The following KDM1B variants were observed in gnomAD, a reference collection of about 807,000 sequenced individuals.
KDM1B encodes lysine demethylase 1B, also known as lysine-specific histone demethylase 2.
KDM1B carries 63 observed loss-of-function variants against 107.4 expected under a neutral mutation model. The observed-to-expected ratio is 0.59, with a 90% CI of 0.48 to 0.72. KDM1B has a LOEUF of 0.72. Among genes scored for constraint, KDM1B ranks in the 30% least tolerant of loss-of-function variants. KDM1B has a pLI of 0.00. For missense variants in KDM1B, 749 were observed against 1,020.8 expected (o/e 0.73, Z 3.63); for synonymous variants, 363 against 363.9 (o/e 1.00, Z 0.03).
rs1399562324 is a variant in KDM1B, at chr6:18,213,846, TACTC to T, written c.2109+68_2109+71del. 1.3e-6 allele frequency: 2 copies of T among 1,559,132 alleles called. No homozygotes were observed. Among genetic ancestry groups the T allele is most frequent in the East Asian group, 4.5e-5 (2 of 44,546 alleles). ...AAAGTTTAGAATTTGATGTGATAAT[TACTC>T]ACCTATCAAGCTCAGGAACTAACGA... is the stretch of plus-strand genomic sequence containing the variant. On this transcript the variant is annotated intron_variant, in intron 19 of 21. Coordinates refer to ENST00000650836, the MANE Select transcript of KDM1B (RefSeq NM_001364614.2). This position sits in a 1 kb window ranked among gnomAD's most constrained non-coding sequence, Gnocchi z 5.9.
chr6:18,197,708 T>C lies in KDM1B; in HGVS notation c.1221+47T>C. On this transcript the variant is annotated intron_variant, in intron 12 of 21. Transcript: ENST00000650836. The surrounding 1 kb of genome is among the most constrained non-coding windows in gnomAD (Gnocchi z 4.5). Reference sequence around the variant, plus strand: ...GTTAGAACAGATGGTTGACTGCTCCTTTTGGTCCAAATTTCTAAGATTTAG... The same window carrying C: ...GTTAGAACAGATGGTTGACTGCTCCCTTTGGTCCAAATTTCTAAGATTTAG... The C allele has an allele frequency of 9.5e-6, 13 of 1,362,428 alleles. No individual in the cohort carries two copies. Among genetic ancestry groups the C allele is most frequent in the Non-Finnish European group, 1.3e-5 (13 of 969,702 alleles). The allele number at this position is 1,362,428 out of a possible 1,614,324, so 84.4% of individuals were successfully genotyped here.
At chr6:18,169,996 A>G (rs1375628460) in intron 6 of KDM1B, among the ~76,000 whole-genome samples, 1 of 26,188 alleles carries the variant, frequency 3.8e-5, no homozygotes, top group East Asian at 1.2e-3. Context: ...TGCAACCTCC[A>G]CCTCCCAGTT....
intron 7 of KDM1B, among the ~76,000 whole-genome samples, chr6:18,185,039 CT>C (rs924290787): frequency 6.6e-6 from 1 of 151,764 alleles, no homozygotes. Context: ...CAGTTTCTAG[CT>C]TTTTTTGAAT....
intron 6 of KDM1B, among the ~76,000 whole-genome samples, chr6:18,168,199 A>G (rs149095622): frequency 1.6e-4 from 25 of 152,342 alleles, no homozygotes; most frequent in Non-Finnish European, 1.3e-4. Flanking sequence ...TATATTCACA[A>G]TGTTATGCAA....
chr6:18,167,611 C>G (rs1009582846), intron 6 of KDM1B, among the ~76,000 whole-genome samples: 1 of 151,604 alleles, frequency 6.6e-6, no homozygotes, highest in Non-Finnish European at 1.5e-5. Flanking sequence ...ATAGCTGGGA[C>G]TCTCCGCACA....
chr6:18,165,088 G>A lies in KDM1B; in HGVS notation c.306-1179G>A, dbSNP rs149912503. 5.0e-3 allele frequency among the ~76,000 whole-genome samples: 740 copies of A among 148,418 alleles called. 4 individuals are homozygous for A. Among genetic ancestry groups the A allele is most frequent in the South Asian group, 0.014 (64 of 4,688 alleles). The stretch of plus-strand genomic sequence containing the variant: ...ATATCTTGCTAGCTGTTTTCCATAT[G>A]GTGCATTTTATTCTTTTTCCCCTTC... On this transcript the variant is annotated intron_variant, in intron 5 of 21. Transcript: ENST00000650836.
At chr6:18,202,384 A>T (rs1188304263) in intron 14 of KDM1B, among the ~76,000 whole-genome samples, 1 of 151,652 alleles carries the variant, frequency 6.6e-6, no homozygotes, top group Non-Finnish European at 1.5e-5. Context: ...TGGGCAATGA[A>T]GCAAGACCCT....
chr6:18,222,387 A>C lies in KDM1B; in HGVS notation c.*395A>C. On this transcript the variant is annotated 3_prime_UTR_variant, in exon 22 of 22. Coordinates refer to ENST00000650836, the MANE Select transcript of KDM1B (RefSeq NM_001364614.2). ...ATCAAGCAGGAATCATTTAAAAACC[A>C]GATAAAGCCATGTTTTTCTTCTGTG... 1 of 314,892 alleles carries C rather than the reference A, an allele frequency of 3.2e-6. No individual in the cohort carries two copies. Among genetic ancestry groups the C allele is most frequent in the Non-Finnish European group, 6.2e-6 (1 of 161,694 alleles). 19.5% of individuals were successfully genotyped at this position (314,892 alleles called of 1,614,324 possible). A position where few individuals can be genotyped will look rare whatever the true frequency, so the allele number is the denominator to read the frequency against.
intron 10 of KDM1B, among the ~76,000 whole-genome samples, chr6:18,196,008 C>G (rs534567983): frequency 3.9e-5 from 6 of 152,100 alleles, no homozygotes; most frequent in Admixed American, 3.9e-4. Context: ...CCCTCAGCCC[C>G]GGTAATGCCC....
At chr6:18,169,662 G>T (rs1324120896) in intron 6 of KDM1B, among the ~76,000 whole-genome samples, 1 of 151,994 alleles carries the variant, frequency 6.6e-6, no homozygotes, top group Non-Finnish European at 1.5e-5. Flanking sequence ...CAATTTATCT[G>T]TTTTTTTCTT....
In KDM1B at chr6:18,212,419, G is replaced by A. The variant is rs1788913587; in HGVS notation, c.1867-69G>A. 5 of 916,800 alleles carry A rather than the reference G, an allele frequency of 5.5e-6. No homozygotes were observed. Among genetic ancestry groups the A allele is most frequent in the Non-Finnish European group, 9.2e-6 (5 of 545,214 alleles). 56.8% of individuals were successfully genotyped at this position (916,800 alleles called of 1,614,324 possible). A position where few individuals can be genotyped will look rare whatever the true frequency, so the allele number is the denominator to read the frequency against. ...TGCCAGTATAACAGCATGGGTTGTT[G>A]ATACCAGTGTAGTGGTAGTGTGAGG... is the stretch of plus-strand genomic sequence containing the variant. On this transcript the variant is annotated intron_variant, in intron 17 of 21. Coordinates refer to ENST00000650836, the MANE Select transcript of KDM1B (RefSeq NM_001364614.2). The surrounding 1 kb of genome is among the most constrained non-coding windows in gnomAD (Gnocchi z 5.2).
chr6:18,162,901 A>G lies in KDM1B; in HGVS notation c.282A>G (p.Glu94=). The G allele has an allele frequency of 6.2e-7, 1 of 1,610,284 alleles. No homozygotes were observed. The highest frequency in any genetic ancestry group is 8.5e-7 in the Non-Finnish European group (1 of 1,176,498). Residue 94 remains glutamate (E), a synonymous_variant, in exon 5 of 22, where the codon GAA becomes GAG. Transcript: ENST00000650836. This position sits in a 1 kb window ranked among gnomAD's most constrained non-coding sequence, Gnocchi z 4.1. ...HLSCGEHFCN[E]CFDHYYRSHK... ...CCTGTGGGGAACATTTCTGTAATGA[A>G]TGCTTTGACCATTACTACAGAAGGT...
At position 18,159,941 on chromosome 6, in the gene KDM1B, C is replaced by T. The variant is rs200534471; in HGVS notation, c.46C>T (p.His16Tyr). 3 of 1,610,034 alleles carry T rather than the reference C, an allele frequency of 1.9e-6. No individual in the cohort carries two copies. Among genetic ancestry groups the T allele is most frequent in the Non-Finnish European group, 2.5e-6 (3 of 1,178,568 alleles). ...GRTKKKASFD[H>Y]SPDSLPLRSS... ...GACAAAGAAAAAAGCATCTTTTGAT[C>T]ATTCTCCGGATAGCCTTCCTTTGAG... The change falls in exon 3 of 22, where the codon CAT becomes TAT. Residue 16 changes from histidine to tyrosine, a missense_variant. Transcript: ENST00000650836. This position sits in a 1 kb window ranked among gnomAD's most constrained non-coding sequence, Gnocchi z 4.5.
At chr6:18,178,218 G>A (rs774671390) in intron 7 of KDM1B, among the ~76,000 whole-genome samples, 22 of 151,856 alleles carry the variant, frequency 1.4e-4, no homozygotes, top group Admixed American at 3.9e-4. Context: ...GAGTAGCTGG[G>A]ATTACAGGCA....
chr6:18,173,574 C>G (rs1448087030), intron 7 of KDM1B, among the ~76,000 whole-genome samples: 2 of 152,054 alleles, frequency 1.3e-5, no homozygotes. Flanking sequence ...TCATTGGTTA[C>G]CTTTCACCTT....
chr6:18,212,261 A>C lies in KDM1B; in HGVS notation c.1867-227A>C. The C allele has an allele frequency of 1.9e-6, 1 of 536,952 alleles. No homozygotes were observed. The highest frequency in any genetic ancestry group is 2.1e-5 in the South Asian group (1 of 48,500). The allele number at this position is 536,952 out of a possible 1,614,324, so 33.3% of individuals were successfully genotyped here. A position where few individuals can be genotyped will look rare whatever the true frequency, so the allele number is the denominator to read the frequency against. On this transcript the variant is annotated intron_variant, in intron 17 of 21. Transcript: ENST00000650836. The surrounding 1 kb of genome is among the most constrained non-coding windows in gnomAD (Gnocchi z 5.2). ...CACCTGGCCTCTGCTGACTCTTCTT[A>C]TCTAAGATGATTATTCACCATCAGG...
At chr6:18,196,030 T>G (rs1787628614) in intron 10 of KDM1B, among the ~76,000 whole-genome samples, 1 of 152,190 alleles carries the variant, frequency 6.6e-6, no homozygotes. Flanking sequence ...TTCTACTTTC[T>G]GCTTCTGTGA....
At chr6:18,167,764 A>T (rs1205580153) in intron 6 of KDM1B, among the ~76,000 whole-genome samples, 1 of 151,654 alleles carries the variant, frequency 6.6e-6, no homozygotes, top group Non-Finnish European at 1.5e-5. Flanking sequence ...ATGAGCCACA[A>T]TGCCCAATTT....
chr6:18,163,270 G>T (rs1469007989), intron 5 of KDM1B, among the ~76,000 whole-genome samples: 1 of 151,956 alleles, frequency 6.6e-6, no homozygotes, highest in African/African-American at 2.4e-5. Flanking sequence ...ATGTTGTCCA[G>T]GCTGGTCTCA....
Sources: allele counts gnomAD v4.1 joint callset (sites outside exome capture counted in the v4.1 genomes callset), GRCh38; gene constraint gnomAD v4.1.1; non-coding constraint Gnocchi (gnomAD v3.1); transcripts MANE v1.5; gene names NCBI Gene and HGNC (gene_info 2026-07-23, HGNC 2026-07-21).